Variants in PUS7 observed in about 807,000 individuals in gnomAD.
PUS7 encodes pseudouridylate synthase 7 homolog.
A neutral mutation model predicts 79.8 loss-of-function variants in PUS7; 48 were observed. That is an observed-to-expected ratio of 0.60 (90% CI 0.48 to 0.76). The LOEUF is 0.76. PUS7 is among the 30% of genes least tolerant of loss of function. The pLI, the probability that PUS7 is intolerant of heterozygous loss-of-function variation, is 0.00. For synonymous variants in PUS7, 286 were observed against 272.2 expected, an observed-to-expected ratio of 1.05 and a Z score of -0.50; for missense variants, 729 against 797.6, an observed-to-expected ratio of 0.91 and a Z score of 1.04.
At chr7:105,505,635 G>C (rs532134512) in intron 4 of PUS7, among the ~76,000 whole-genome samples, 5 of 152,242 alleles carry the variant, frequency 3.3e-5, no homozygotes, top group South Asian at 2.1e-4. Context: ...TGTTGTCCAG[G>C]CTAGTCTCCA....
chr7:105,480,036 G>C (rs2133121698), intron 9 of PUS7, among the ~76,000 whole-genome samples: 1 of 152,138 alleles, frequency 6.6e-6, no homozygotes, highest in East Asian at 1.9e-4. Flanking sequence ...TAAGAGCGAG[G>C]GAAGGGCAGA....
intron 14 of PUS7, among the ~76,000 whole-genome samples, chr7:105,460,853 CAAAAAAAAAAAA>C (rs55923593): frequency 1.2e-5 from 1 of 83,564 alleles, no homozygotes; most frequent in Non-Finnish European, 2.2e-5. Flanking sequence ...GACTCCGTCT[CAAAAAAAAAAAA>C]AAAAAAAAAA....
chr7:105,470,823 G>A lies in PUS7; in HGVS notation c.1263C>T (p.Cys421=). ...CTTTGGTCTTTGCCCATTCTTCTCT[G>A]CATTTAACCAAGTAGCCCTTTTCAG... is the stretch of plus-strand genomic sequence containing the variant. The part of the protein sequence containing the change: ...SGAEKGYLVK[C]REEWAKTKDP... The change falls in exon 11 of 16, where the codon TGC becomes TGT. Residue 421 remains cysteine (C), a synonymous_variant. Transcript: ENST00000469408. 1 of 1,604,598 alleles carries A rather than the reference G, an allele frequency of 6.2e-7. No homozygotes were observed. The highest frequency in any genetic ancestry group is 1.7e-5 in the Admixed American group (1 of 59,382).
chr7:105,484,510 TAAA>T (rs35983237), intron 7 of PUS7, among the ~76,000 whole-genome samples: 26 of 143,472 alleles, frequency 1.8e-4, no homozygotes, highest in African/African-American at 2.3e-4. Flanking sequence ...CTTTTTTTCT[TAAA>T]AAAAAAAAAA....
intron 9 of PUS7, among the ~76,000 whole-genome samples, chr7:105,477,248 T>C (rs181880124): frequency 7.0e-4 from 107 of 152,176 alleles, no homozygotes; most frequent in Admixed American, 1.1e-3. Flanking sequence ...GAGTTTATTT[T>C]ATTTTATTAT....
At position 105,462,430 on chromosome 7, in the gene PUS7, C is replaced by CA. The variant is rs369358155; in HGVS notation, c.1757+190dup. On this transcript the variant is annotated intron_variant, in intron 14 of 15. Transcript: ENST00000469408. ...CTGGGTGACTAGTGAAACTCCGTCT[C>CA]AAAAAAAAACCAAAAAAAAAACAAA... 1,392 of 532,460 alleles carry CA rather than the reference C, an allele frequency of 2.6e-3. 1 individual carries two copies. The highest frequency in any genetic ancestry group is 3.6e-3 in the South Asian group (136 of 37,342). 33.0% of individuals were successfully genotyped at this position (532,460 alleles called of 1,614,324 possible).
At chr7:105,485,327 G>A (rs758201359) in intron 7 of PUS7, among the ~76,000 whole-genome samples, 6 of 152,022 alleles carry the variant, frequency 3.9e-5, no homozygotes, top group Non-Finnish European at 7.4e-5. Context: ...CTCCTGCCTC[G>A]GCCTCCCGAG....
chr7:105,458,603 C>T (rs1355162557), intron 15 of PUS7, among the ~76,000 whole-genome samples: 1 of 134,642 alleles, frequency 7.4e-6, no homozygotes, highest in South Asian at 2.5e-4. Context: ...GATGGAGTCT[C>T]GTTTTGTCAC....
chr7:105,472,246 A>G, intron 9 of PUS7, 53 bp from the exon 10 acceptor site: 1 of 1,090,414 alleles, frequency 9.2e-7, no homozygotes, highest in African/African-American at 1.6e-5. Context: ...ATAAAACTTT[A>G]TATGCACAAA....
intron 12 of PUS7, among the ~76,000 whole-genome samples, chr7:105,466,432 A>AT (rs1265246003): frequency 6.6e-6 from 1 of 151,492 alleles, no homozygotes; most frequent in Non-Finnish European, 1.5e-5. Context: ...TAGTTTTTTA[A>AT]TTTTTTGTAG....
intron 1 of PUS7, among the ~76,000 whole-genome samples, chr7:105,519,766 G>A (rs1208736705): frequency 6.6e-6 from 1 of 152,152 alleles, no homozygotes; most frequent in African/African-American, 2.4e-5. Flanking sequence ...ATTAAAACAG[G>A]GTAAGGGGCT....
At chr7:105,474,853 T>C (rs1260121981) in intron 9 of PUS7, among the ~76,000 whole-genome samples, 2 of 152,220 alleles carry the variant, frequency 1.3e-5, no homozygotes, top group Non-Finnish European at 2.9e-5. Context: ...AATCTGATTG[T>C]CCACCTAATT....
At chr7:105,468,572 C>T (rs1206382532) in intron 11 of PUS7, 109 bp from the exon 12 acceptor site, 3 of 977,392 alleles carry the variant, frequency 3.1e-6, no homozygotes, top group African/African-American at 1.7e-5. Context: ...GGCTGGAGTG[C>T]AGTGGCACGA....
chr7:105,460,853 C>CAAAAAAAA (rs55923593), intron 14 of PUS7, among the ~76,000 whole-genome samples: 1 of 83,564 alleles, frequency 1.2e-5, no homozygotes, highest in Non-Finnish European at 2.2e-5. Context: ...GACTCCGTCT[C>CAAAAAAAA]AAAAAAAAAA....
At chr7:105,517,747 AG>A (rs1825951225) in intron 1 of PUS7, among the ~76,000 whole-genome samples, 1 of 152,082 alleles carries the variant, frequency 6.6e-6, no homozygotes, top group African/African-American at 2.4e-5. Context: ...TGGGCAACAG[AG>A]GGAGACTTCA....
intron 1 of PUS7, among the ~76,000 whole-genome samples, chr7:105,521,617 G>T (rs1469974069): frequency 6.6e-6 from 1 of 152,256 alleles, no homozygotes; most frequent in Admixed American, 6.5e-5. Flanking sequence ...ACAGAAGGCA[G>T]GCGCGGCGAA....
At chr7:105,508,025 G>A in intron 2 of PUS7, 90 bp downstream of exon 2, 1 of 1,427,186 alleles carries the variant, frequency 7.0e-7, no homozygotes, top group South Asian at 1.5e-5. Context: ...CTTGGAGATG[G>A]AAAGCTAAGT....
At chr7:105,460,035 T>C (rs1823353760) in intron 14 of PUS7, among the ~76,000 whole-genome samples, 1 of 151,940 alleles carries the variant, frequency 6.6e-6, no homozygotes, top group Admixed American at 6.6e-5. Context: ...GCCTCCCGGG[T>C]TCACACCATT....
intron 5 of PUS7, 183 bp from the exon 6 acceptor site, chr7:105,495,436 TTATC>T: frequency 6.4e-6 from 3 of 469,088 alleles, no homozygotes; most frequent in South Asian, 3.1e-5. Flanking sequence ...ACACTTAACA[TTATC>T]TATCCATATT....
Sources: gnomAD v4.1 joint callset for allele counts (sites outside exome capture counted in the v4.1 genomes callset) on GRCh38, gnomAD v4.1.1 for gene constraint, MANE v1.5 for transcripts, NCBI Gene and HGNC (gene_info 2026-07-23, HGNC 2026-07-21) for gene names.